Variants in EFCAB6 observed in about 807,000 individuals in gnomAD.
The protein encoded by EFCAB6 is EF-hand calcium-binding domain-containing protein 6.
Under a neutral mutation model 169.8 loss-of-function variants are expected in EFCAB6, and 156 were observed. That is an observed-to-expected ratio of 0.92 (90% CI 0.81 to 1.05). The LOEUF (loss-of-function observed/expected upper bound fraction) is 1.05. Among genes scored for constraint, EFCAB6 ranks in the 50% least tolerant of loss-of-function variants. The pLI is 0.00. For missense variants in EFCAB6, 1,800 were observed against 1,829.1 expected, an observed-to-expected ratio of 0.98 and a Z score of 0.29; for synonymous variants, 698 against 676.4, an observed-to-expected ratio of 1.03 and a Z score of -0.50.
At chr22:43,594,473 A>G (rs2051843213) in intron 23 of EFCAB6, among the ~76,000 whole-genome samples, 1 of 152,186 alleles carries the variant, frequency 6.6e-6, no homozygotes, top group Non-Finnish European at 1.5e-5. Flanking sequence ...ATGGAAACCA[A>G]TGAAGAGCAG....
At position 43,735,932 on chromosome 22, in the gene EFCAB6, C is replaced by T. The variant is rs368714805; in HGVS notation, c.569G>A (p.Gly190Glu). The T allele has an allele frequency of 3.1e-6, 5 of 1,614,016 alleles. No homozygotes were observed. Among genetic ancestry groups the T allele is most frequent in the Non-Finnish European group, 3.4e-6 (4 of 1,180,034 alleles). ...AFELIDVNKT[G>E]LVRPQELRRV... The stretch of plus-strand genomic sequence containing the variant: ...TCTTAGCTCCTGCGGTCGAACCAGT[C>T]CAGTCTTGTTAACATCAATGAGCTC... The change falls in exon 7 of 32, where the codon GGA (glycine) becomes GAA (glutamate). Residue 190 changes from glycine to glutamate, a missense_variant. Gly to Glu is a moderately conservative substitution (Grantham distance 98, BLOSUM62 -2). Transcript: ENST00000262726.
At chr22:43,767,668 T>C (rs1294899225) in intron 4 of EFCAB6, among the ~76,000 whole-genome samples, 1 of 152,204 alleles carries the variant, frequency 6.6e-6, no homozygotes, top group Non-Finnish European at 1.5e-5. Context: ...GCCAGCGATC[T>C]CTGTGAATCC....
At chr22:43,531,192 A>G (rs943544490) in intron 30 of EFCAB6, among the ~76,000 whole-genome samples, 3 of 152,162 alleles carry the variant, frequency 2.0e-5, no homozygotes, top group Non-Finnish European at 4.4e-5. Context: ...TACATCAGCC[A>G]TCTCATTTAC....
At chr22:43,574,026 C>T (rs549346496) in intron 26 of EFCAB6, among the ~76,000 whole-genome samples, 1 of 152,158 alleles carries the variant, frequency 6.6e-6, no homozygotes, top group South Asian at 2.1e-4. Flanking sequence ...ATTCCTATCC[C>T]TTGACTCCAG....
At chr22:43,541,681 C>G (rs1457378706) in intron 27 of EFCAB6, among the ~76,000 whole-genome samples, 2 of 152,224 alleles carry the variant, frequency 1.3e-5, no homozygotes, top group Non-Finnish European at 2.9e-5. Flanking sequence ...AGTAACCTGT[C>G]AGACAGGAAT....
intron 20 of EFCAB6, among the ~76,000 whole-genome samples, chr22:43,625,608 C>T (rs1054492194): frequency 6.6e-6 from 1 of 152,196 alleles, no homozygotes; most frequent in African/African-American, 2.4e-5. Flanking sequence ...CAGCTGGACA[C>T]TGAGATTCTC....
intron 17 of EFCAB6, among the ~76,000 whole-genome samples, chr22:43,645,275 G>C (rs2056082485): frequency 6.6e-6 from 1 of 152,202 alleles, no homozygotes; most frequent in Non-Finnish European, 1.5e-5. Context: ...GCATGTTGCT[G>C]CCAGAATACA....
At chr22:43,530,763 G>A in intron 31 of EFCAB6, 52 bp downstream of exon 31, 2 of 1,604,676 alleles carry the variant, frequency 1.2e-6, no homozygotes, top group Non-Finnish European at 1.7e-6. Context: ...TCTGGCCGCT[G>A]GCATTTGGCA....
intron 19 of EFCAB6, among the ~76,000 whole-genome samples, chr22:43,630,342 TAG>T (rs2054845990): frequency 6.6e-6 from 1 of 152,188 alleles, no homozygotes; most frequent in Non-Finnish European, 1.5e-5. Flanking sequence ...TCTGGCGGGA[TAG>T]AGTGGGTGTC....
chr22:43,745,694 C>A (rs1226043900), intron 6 of EFCAB6, among the ~76,000 whole-genome samples: 1 of 152,176 alleles, frequency 6.6e-6, no homozygotes, highest in African/African-American at 2.4e-5. Flanking sequence ...TGAAATGAAA[C>A]CATGAAAAAG....
Position 43,576,321 on chromosome 22 carries a change from C to T in EFCAB6, c.3396G>A (p.Gln1132=). The change falls in exon 26 of 32, where the codon CAG becomes CAA. Residue 1132 remains glutamine (Q), a synonymous_variant. Coordinates refer to ENST00000262726, the MANE Select transcript of EFCAB6 (RefSeq NM_022785.4). ...CCTCCTCAAGGAAACAGCTAAAGTT[C>T]TGGAGAAAATATTTCCAATTTATAT... ...TPYINWKYFL[Q]NFSCFLEETA... The T allele has an allele frequency of 6.3e-7, 1 of 1,591,768 alleles. No homozygotes were observed. The highest frequency in any genetic ancestry group is 8.5e-7 in the Non-Finnish European group (1 of 1,174,394).
At chr22:43,616,790 G>T (rs1318617783) in intron 20 of EFCAB6, among the ~76,000 whole-genome samples, 2 of 152,186 alleles carry the variant, frequency 1.3e-5, no homozygotes, top group African/African-American at 4.8e-5. Flanking sequence ...GAGGCTGGAG[G>T]GGCTGGGATG....
In EFCAB6 at chr22:43,600,110, C is replaced by T; in HGVS notation, c.2835G>A (p.Met945Ile). ...FTKPQQLQEE[M>I]KELQQSTEKA... ...TCTCTGTGCTCTGCTGCAGCTCCTT[C>T]ATCTCTTCCTGTAGCTGCTGTGGCT... The change falls in exon 23 of 32, where the codon ATG becomes ATA. Residue 945 changes from methionine to isoleucine, a missense_variant. Physicochemically the swap from Met to Ile is conservative, Grantham distance 10. Transcript: ENST00000262726. 6 of 1,614,142 alleles carry T rather than the reference C, an allele frequency of 3.7e-6. No individual in the cohort carries two copies. The highest frequency in any genetic ancestry group is 4.2e-6 in the Non-Finnish European group (5 of 1,180,018).
intron 2 of EFCAB6, among the ~76,000 whole-genome samples, chr22:43,806,215 A>G (rs1213901462): frequency 1.3e-5 from 2 of 151,642 alleles, no homozygotes; most frequent in Non-Finnish European, 2.9e-5. Context: ...AGGGGAAGGG[A>G]AAAAAGAGAA....
At chr22:43,658,610 TA>T (rs2056861267) in intron 17 of EFCAB6, among the ~76,000 whole-genome samples, 1 of 152,016 alleles carries the variant, frequency 6.6e-6, no homozygotes, top group Admixed American at 6.6e-5. Context: ...TGGAGAGCCC[TA>T]GAGGAGGGGT....
chr22:43,602,211 C>T (rs1178476257), intron 22 of EFCAB6, among the ~76,000 whole-genome samples: 2 of 152,236 alleles, frequency 1.3e-5, no homozygotes, highest in Non-Finnish European at 1.5e-5. Flanking sequence ...CCCCTGCAGA[C>T]CTTTTCAGGT....
chr22:43,639,719 A>G (rs2055670433), intron 17 of EFCAB6, among the ~76,000 whole-genome samples: 1 of 152,144 alleles, frequency 6.6e-6, no homozygotes, highest in South Asian at 2.1e-4. Context: ...ATTTCTTCAC[A>G]TATATCCTCT....
intron 7 of EFCAB6, among the ~76,000 whole-genome samples, chr22:43,733,177 A>T (rs965154000): frequency 2.0e-5 from 3 of 152,176 alleles, no homozygotes; most frequent in Admixed American, 1.3e-4. Context: ...TTCATCTTTC[A>T]TCTACGGTCT....
chr22:43,678,274 A>C, intron 12 of EFCAB6, 111 bp from the exon 13 acceptor site: 3 of 1,060,696 alleles, frequency 2.8e-6, no homozygotes, highest in Non-Finnish European at 4.0e-6. Context: ...GGCCAAATAG[A>C]ATTATGATTG....
Sources: allele counts gnomAD v4.1 joint callset (sites outside exome capture counted in the v4.1 genomes callset), GRCh38; gene constraint gnomAD v4.1.1; transcripts MANE v1.5; gene names NCBI Gene and HGNC (gene_info 2026-07-23, HGNC 2026-07-21).